The following CCDC85A variants were observed in gnomAD, a reference collection of about 807,000 sequenced individuals.
The protein encoded by CCDC85A is coiled-coil domain containing 85A, also known as coiled-coil domain-containing protein 85A.
Under a neutral mutation model 50.2 loss-of-function variants are expected in CCDC85A, and 38 were observed. The ratio of observed to expected loss-of-function variants is 0.76; its 90% confidence interval spans 0.58 to 0.99. The LOEUF (loss-of-function observed/expected upper bound fraction) is 0.99, where lower values mean the gene tolerates loss of function less well. Ranked by LOEUF, CCDC85A falls within the 50% of genes least tolerant of loss-of-function variation. The pLI is 0.00. For missense variants in CCDC85A, 820 were observed against 742.0 expected (o/e 1.11, Z -1.22); for synonymous variants, 366 against 301.4 (o/e 1.21, Z -2.22).
chr2:56,319,115 C>T (rs898021806), intron 2 of CCDC85A, among the ~76,000 whole-genome samples: 3 of 152,014 alleles, frequency 2.0e-5, no homozygotes, highest in African/African-American at 7.2e-5. Context: ...GTAGTTAGCA[C>T]TAGAATGGAA....
intron 2 of CCDC85A, among the ~76,000 whole-genome samples, chr2:56,279,927 A>AT (rs1190671226): frequency 2.0e-5 from 3 of 152,190 alleles, no homozygotes; most frequent in African/African-American, 4.8e-5. Context: ...TGATACACTG[A>AT]TTTTAACAAA....
chr2:56,342,872 A>G lies in CCDC85A; in HGVS notation c.1241-7A>G, dbSNP rs1189214661. ...GTATAATGTGAGTTCTTTCTTTTTA[A>G]TTTTAGAATCAACCTTGTCCTATGT... On this transcript the variant is annotated splice_region_variant and splice_polypyrimidine_tract_variant and intron_variant, in intron 2 of 5. Coordinates refer to ENST00000407595, the MANE Select transcript of CCDC85A (RefSeq NM_001080433.2). 8.9e-6 allele frequency: 14 copies of G among 1,570,720 alleles called. No individual in the cohort carries two copies. Among genetic ancestry groups the G allele is most frequent in the Non-Finnish European group, 1.2e-5 (14 of 1,155,444 alleles).
chr2:56,208,211 TATAAGA>T (rs1677030471), intron 2 of CCDC85A, among the ~76,000 whole-genome samples: 2 of 152,168 alleles, frequency 1.3e-5, no homozygotes, highest in African/African-American at 4.8e-5. Flanking sequence ...TCTGAGTTCT[TATAAGA>T]ATATGTTATA....
chr2:56,385,818 A>G lies in CCDC85A; in HGVS notation c.*1463A>G, dbSNP rs984914867. ...TATTTATGAATTAATTTACTATAGA[A>G]TTATCTCTCTAATTATCATAATTGG... On this transcript the variant is annotated 3_prime_UTR_variant, in exon 6 of 6. Transcript: ENST00000407595. 2 of 151,676 alleles carry G rather than the reference A, an allele frequency of 1.3e-5. No homozygotes were observed. The highest frequency in any genetic ancestry group is 3.0e-5 in the Non-Finnish European group (2 of 67,760). The allele number at this position is 151,676 out of a possible 1,614,324, so 9.4% of individuals were successfully genotyped here.
At chr2:56,301,549 C>T (rs573381923) in intron 2 of CCDC85A, among the ~76,000 whole-genome samples, 3 of 152,012 alleles carry the variant, frequency 2.0e-5, no homozygotes, top group African/African-American at 7.2e-5. Context: ...ATGATTAATA[C>T]CAAGTGAATA....
intron 2 of CCDC85A, among the ~76,000 whole-genome samples, chr2:56,316,437 G>A (rs1010923948): frequency 6.6e-6 from 1 of 152,048 alleles, no homozygotes; most frequent in Admixed American, 6.6e-5. Context: ...TGAGTGCATA[G>A]GAAGATCAGC....
chr2:56,240,309 C>T (rs1669198976), intron 2 of CCDC85A, among the ~76,000 whole-genome samples: 1 of 152,160 alleles, frequency 6.6e-6, no homozygotes. Context: ...GCTGAGTCTT[C>T]ATTTACATAG....
At chr2:56,230,525 C>G (rs1433088552) in intron 2 of CCDC85A, among the ~76,000 whole-genome samples, 1 of 152,144 alleles carries the variant, frequency 6.6e-6, no homozygotes, top group African/African-American at 2.4e-5. Context: ...TGGTTTGAAG[C>G]TCTATGTTGG....
intron 2 of CCDC85A, among the ~76,000 whole-genome samples, chr2:56,296,572 T>C (rs894551035): frequency 2.0e-5 from 3 of 152,062 alleles, no homozygotes; most frequent in African/African-American, 7.2e-5. Flanking sequence ...TTTTGGCGGC[T>C]TTTGATGTTT....
intron 2 of CCDC85A, among the ~76,000 whole-genome samples, chr2:56,338,418 T>A (rs10200099): frequency 0.4 from 61,349 of 151,840 alleles, 13,989 homozygotes; most frequent in African/African-American, 0.63. Flanking sequence ...AAAAGGGAAA[T>A]AGCAGCATGG....
chr2:56,337,269 C>G (rs1191000859), intron 2 of CCDC85A, among the ~76,000 whole-genome samples: 2 of 152,180 alleles, frequency 1.3e-5, no homozygotes, highest in Non-Finnish European at 2.9e-5. Context: ...GAGATTCACC[C>G]AAAGAACATC....
chr2:56,280,594 A>G (rs559875942), intron 2 of CCDC85A, among the ~76,000 whole-genome samples: 3 of 152,268 alleles, frequency 2.0e-5, no homozygotes, highest in African/African-American at 4.8e-5. Context: ...CAACACTCCA[A>G]AGACAATCCC....
rs143642213 is a variant in CCDC85A at position 56,282,741 on chromosome 2, C to G, written c.1241-60138C>G. On this transcript the variant is annotated intron_variant, in intron 2 of 5. Transcript: ENST00000407595. ...GCCAGGCTGGTCTCGAACTCCTGAC[C>G]TCATGTGATCCTCTCGCCTCGGCCT... Among the ~76,000 whole-genome samples the G allele has an allele frequency of 2.0e-5, 3 of 152,192 alleles. No individual in the cohort carries two copies. In the South Asian group the frequency reaches 6.2e-4, roughly 31 times the overall value.
At chr2:56,361,545 C>G (rs907681636) in intron 3 of CCDC85A, among the ~76,000 whole-genome samples, 2 of 152,002 alleles carry the variant, frequency 1.3e-5, no homozygotes, top group African/African-American at 4.8e-5. Flanking sequence ...AAGAGAATGA[C>G]TAGAGTACGA....
chr2:56,341,311 A>G (rs991752974), intron 2 of CCDC85A, among the ~76,000 whole-genome samples: 16 of 152,160 alleles, frequency 1.1e-4, no homozygotes, highest in East Asian at 5.8e-4. Context: ...TTTTCTATCT[A>G]TTGGGTTGAC....
chr2:56,370,909 A>T (rs13015390), intron 3 of CCDC85A, among the ~76,000 whole-genome samples: 11,314 of 152,138 alleles, frequency 0.074, 560 homozygotes, highest in Non-Finnish European at 0.11. Flanking sequence ...CAGATACTAG[A>T]TCTCCTTATT....
At chr2:56,245,974 C>T (rs146714155) in intron 2 of CCDC85A, among the ~76,000 whole-genome samples, 7 of 152,228 alleles carry the variant, frequency 4.6e-5, no homozygotes, top group South Asian at 2.1e-4. Context: ...CAGCTGAAAA[C>T]GTACTAAGAC....
At chr2:56,228,915 C>A (rs773194006) in intron 2 of CCDC85A, among the ~76,000 whole-genome samples, 10 of 152,178 alleles carry the variant, frequency 6.6e-5, no homozygotes, top group Non-Finnish European at 1.3e-4. Context: ...ACCTTCTAAA[C>A]TTCCATTTAT....
At chr2:56,295,019 T>G (rs1024595878) in intron 2 of CCDC85A, among the ~76,000 whole-genome samples, 3 of 152,236 alleles carry the variant, frequency 2.0e-5, no homozygotes, top group African/African-American at 7.2e-5. Flanking sequence ...TTATCTGGTA[T>G]AAGAATCAAA....
Sources: gnomAD v4.1 joint callset for allele counts (sites outside exome capture counted in the v4.1 genomes callset) on GRCh38, gnomAD v4.1.1 for gene constraint, MANE v1.5 for transcripts, NCBI Gene and HGNC (gene_info 2026-07-23, HGNC 2026-07-21) for gene names.